POMT2: variants seen among roughly 807,000 people sequenced by gnomAD.
The protein encoded by POMT2 is protein O-mannosyltransferase 2, also known as protein O-mannosyl-transferase 2.
In POMT2, 75 loss-of-function variants were observed where a neutral mutation model predicts 100.0. That is an observed-to-expected ratio of 0.75 (90% confidence interval 0.62 to 0.91). The LOEUF is 0.91. POMT2 is among the 40% of genes least tolerant of loss of function. POMT2 has a pLI of 0.00. For missense variants in POMT2, 940 were observed against 955.1 expected (o/e 0.98, Z 0.21); for synonymous variants, 378 against 374.1 (o/e 1.01, Z -0.12).
At chr14:77,280,946 T>C (rs1352290732) in intron 15 of POMT2, among the ~76,000 whole-genome samples, 1 of 151,872 alleles carries the variant, frequency 6.6e-6, no homozygotes, top group Non-Finnish European at 1.5e-5. Flanking sequence ...TACAAAAAAT[T>C]AGCTGAGCGT....
chr14:77,320,317 C>G, intron 1 of POMT2, 117 bp downstream of exon 1: 1 of 1,514,100 alleles, frequency 6.6e-7, no homozygotes, highest in Non-Finnish European at 8.9e-7. Flanking sequence ...CCTCAAGTTC[C>G]CCTCCACCGT....
intron 19 of POMT2, 88 bp from the exon 20 acceptor site, chr14:77,278,596 A>C (rs1890074709): frequency 2.0e-6 from 3 of 1,464,368 alleles, no homozygotes. Context: ...GTCAAGGAGC[A>C]GAGAGTCACT....
Position 77,276,059 on chromosome 14 carries a change from T to C in POMT2, c.*1317A>G, listed in dbSNP as rs144329117. 162 of 152,590 alleles carry C rather than the reference T, an allele frequency of 1.1e-3. 1 individual carries two copies. Among genetic ancestry groups the C allele is most frequent in the African/African-American group, 3.6e-3 (149 of 41,558 alleles). The allele number at this position is 152,590 out of a possible 1,614,324, so 9.5% of individuals were successfully genotyped here. A position where few individuals can be genotyped will look rare whatever the true frequency, so the allele number is the denominator to read the frequency against. On this transcript the variant is annotated 3_prime_UTR_variant, in exon 21 of 21. Transcript: ENST00000261534. The stretch of plus-strand genomic sequence containing the variant: ...AGTGTGGCGGATTCATCATTAAATA[T>C]TGAAGCATCAAAGTCCTCTGAGACA...
rs1210363521 is a variant in POMT2 at position 77,284,987 on chromosome 14, G to A, written c.1539C>T (p.Asn513=). 6.2e-7 allele frequency: 1 copy of A among 1,613,662 alleles called. No individual in the cohort carries two copies. The highest frequency in any genetic ancestry group is 8.5e-7 in the Non-Finnish European group (1 of 1,179,546). Residue 513 remains asparagine (N), a synonymous_variant, in exon 14 of 21, where the codon AAC becomes AAT. Coordinates refer to ENST00000261534, the MANE Select transcript of POMT2 (RefSeq NM_013382.7). ...TATGGTCCTCCACATTCCAGATGGA[G>A]TTGAGGGTTTCTTTCAGGTATGGGG... The part of the protein sequence containing the change: ...TCTPYLKETL[N]SIWNVEDHIN...
chr14:77,298,745 G>C lies in POMT2; in HGVS notation c.950C>G (p.Ser317Cys). The C allele has an allele frequency of 6.2e-7, 1 of 1,613,484 alleles. No individual in the cohort carries two copies. Among genetic ancestry groups the C allele is most frequent in the Non-Finnish European group, 8.5e-7 (1 of 1,179,714 alleles). The change falls in exon 8 of 21, where the codon TCT (serine) becomes TGT (cysteine). Residue 317 changes from serine (S) to cysteine (C), a missense_variant. Ser to Cys is a moderately radical substitution (Grantham distance 112). Coordinates refer to ENST00000261534, the MANE Select transcript of POMT2 (RefSeq NM_013382.7). ...KSGPGDGFFS[S>C]AFQARLSGNN... ...CCCTGAAAGCCGGGCCTGGAAGGCAGAACTGAAGAAACCGTCACCAGGGCC... is the reference window on the plus strand; with the variant it reads ...CCCTGAAAGCCGGGCCTGGAAGGCACAACTGAAGAAACCGTCACCAGGGCC...
chr14:77,315,927 C>A (rs1891607840), intron 1 of POMT2, among the ~76,000 whole-genome samples: 1 of 152,170 alleles, frequency 6.6e-6, no homozygotes, highest in Admixed American at 6.5e-5. Flanking sequence ...CAGAGAATTG[C>A]TTGAAGCCAG....
intron 2 of POMT2, chr14:77,306,674 G>A: frequency 2.2e-6 from 1 of 444,488 alleles, no homozygotes; most frequent in East Asian, 4.8e-5. Context: ...CGAGGTCTAG[G>A]AACAGCACAA....
In POMT2 at chr14:77,277,182, G is replaced by T; in HGVS notation, c.*194C>A. 1.6e-6 allele frequency: 1 copy of T among 617,390 alleles called. No individual in the cohort carries two copies. The allele number at this position is 617,390 out of a possible 1,614,324, so 38.2% of individuals were successfully genotyped here. ...TGTCCTCTCCGTGGTGCTGTGGACGGAGCTGCGGCTCTCTCCCGGCTCTCT... is the reference window on the plus strand; with the variant it reads ...TGTCCTCTCCGTGGTGCTGTGGACGTAGCTGCGGCTCTCTCCCGGCTCTCT... On this transcript the variant is annotated 3_prime_UTR_variant, in exon 21 of 21. Transcript: ENST00000261534.
chr14:77,301,428 G>A (rs963874876), intron 5 of POMT2, among the ~76,000 whole-genome samples, 179 bp from the exon 6 acceptor site: 1 of 152,188 alleles, frequency 6.6e-6, no homozygotes, highest in Non-Finnish European at 1.5e-5. Context: ...TGAAACCCCT[G>A]GAACGGCAGG....
At chr14:77,280,263 CCT>C in intron 16 of POMT2, 127 bp downstream of exon 16, 1 of 1,559,202 alleles carries the variant, frequency 6.4e-7, no homozygotes, top group Non-Finnish European at 8.7e-7. Flanking sequence ...GATACTCCCA[CCT>C]CTGGCCAACC....
chr14:77,279,940 T>C lies in POMT2; in HGVS notation c.1786-12A>G, dbSNP rs537415359. ...AGCCACCAAACCACCTGTGCAGAAA[T>C]GGGAATGGGCAGATGAGAACGCAGC... On this transcript the variant is annotated splice_polypyrimidine_tract_variant and intron_variant, in intron 17 of 20. Coordinates refer to ENST00000261534, the MANE Select transcript of POMT2 (RefSeq NM_013382.7). The C allele has an allele frequency of 9.2e-5, 149 of 1,613,792 alleles. No homozygotes were observed. The highest frequency in any genetic ancestry group is 1.2e-4 in the Non-Finnish European group (138 of 1,179,978).
Position 77,285,012 on chromosome 14 carries a change from G to A in POMT2, c.1514C>T (p.Thr505Ile). 6.2e-7 allele frequency: 1 copy of A among 1,613,482 alleles called. No homozygotes were observed. The highest frequency in any genetic ancestry group is 2.2e-5 in the East Asian group (1 of 44,866). ...GTTGAGGGTTTCTTTCAGGTATGGG[G>A]TGCAAGTAACTTCCAACTGCTCCCA... is the stretch of plus-strand genomic sequence containing the variant. ...WGWEQLEVTCTPYLKETLNSI... is the reference protein window; with the variant it reads ...WGWEQLEVTCIPYLKETLNSI... Residue 505 changes from threonine to isoleucine, a missense_variant, in exon 14 of 21, where the codon ACC becomes ATC. Coordinates refer to ENST00000261534, the MANE Select transcript of POMT2 (RefSeq NM_013382.7).
Position 77,310,156 on chromosome 14 carries a change from C to G in POMT2, c.333+1793G>C, listed in dbSNP as rs144128126. Reference sequence around the variant, plus strand: ...AGGCGAGCTCCATGCAAATACTCAACATGTTCTGTTGTTTAATTCTATGGT... The same window carrying G: ...AGGCGAGCTCCATGCAAATACTCAAGATGTTCTGTTGTTTAATTCTATGGT... On this transcript the variant is annotated intron_variant, in intron 2 of 20. Coordinates refer to ENST00000261534, the MANE Select transcript of POMT2 (RefSeq NM_013382.7). Among the ~76,000 whole-genome samples the G allele has an allele frequency of 1.9e-3, 292 of 152,342 alleles. 8 individuals carry two copies. In the East Asian group the frequency reaches 0.051, roughly 27 times the overall value.
At position 77,278,722 on chromosome 14, in the gene POMT2, C is replaced by G. The variant is rs371121278; in HGVS notation, c.2032+7G>C. The G allele has an allele frequency of 6.8e-6, 11 of 1,613,734 alleles. No individual in the cohort carries two copies. In the African/African-American group the frequency reaches 1.5e-4, roughly 22 times the overall value. On this transcript the variant is annotated splice_region_variant and intron_variant, in intron 19 of 20. Coordinates refer to ENST00000261534, the MANE Select transcript of POMT2 (RefSeq NM_013382.7). ...CTGTCTCCCAAGTCCAGGTGGGTGG[C>G]ACTGACCTGTCAACATGCTTGAGAA...
In POMT2 at chr14:77,296,263, G is replaced by A. The variant is rs1026361359; in HGVS notation, c.1017C>T (p.Tyr339=). The A allele has an allele frequency of 1.6e-5, 26 of 1,600,264 alleles. No individual in the cohort carries two copies. The highest frequency in any genetic ancestry group is 5.3e-5 in the African/African-American group (4 of 74,828). Residue 339 remains tyrosine (Y), a synonymous_variant, in exon 9 of 21, where the codon TAC becomes TAT. Transcript: ENST00000261534. ...HNASIPEHLA[Y]GSVITVKNLR... ...GGTTCTTCACAGTGATCACAGAGCCGTAGGCCAGGTCTGGGAGGAAGGGAG... is the reference window on the plus strand; with the variant it reads ...GGTTCTTCACAGTGATCACAGAGCCATAGGCCAGGTCTGGGAGGAAGGGAG...
intron 1 of POMT2, among the ~76,000 whole-genome samples, chr14:77,312,893 T>C (rs1891491343): frequency 1.3e-5 from 2 of 152,224 alleles, no homozygotes; most frequent in South Asian, 2.1e-4. Context: ...GCTGATCTTA[T>C]ACTAACTAGT....
intron 6 of POMT2, chr14:77,300,838 G>C: frequency 6.7e-6 from 3 of 444,678 alleles, no homozygotes; most frequent in Non-Finnish European, 1.2e-5. Context: ...AAAAAAGACA[G>C]ACATTATAAA....
At chr14:77,307,411 T>C (rs1041324403) in intron 2 of POMT2, among the ~76,000 whole-genome samples, 25 of 152,370 alleles carry the variant, frequency 1.6e-4, no homozygotes, top group African/African-American at 5.8e-4. Flanking sequence ...GGTCAAGGTA[T>C]AGAAGCCAAA....
intron 13 of POMT2, 167 bp from the exon 14 acceptor site, chr14:77,285,208 A>G: frequency 1.4e-6 from 1 of 733,732 alleles, no homozygotes; most frequent in Non-Finnish European, 2.3e-6. Flanking sequence ...TCTAGCATAC[A>G]GTATTCCCAT....
Sources: allele counts gnomAD v4.1 joint callset (sites outside exome capture counted in the v4.1 genomes callset), GRCh38; gene constraint gnomAD v4.1.1; transcripts MANE v1.5; gene names NCBI Gene and HGNC (gene_info 2026-07-23, HGNC 2026-07-21).